The following EIF3B variants were observed in gnomAD, a reference collection of about 807,000 sequenced individuals.
The protein encoded by EIF3B is eukaryotic translation initiation factor 3 subunit B, also known as eukaryotic translation initiation factor 3 subunit 9.
A neutral mutation model predicts 104.6 loss-of-function variants in EIF3B; 10 were observed. The ratio of observed to expected loss-of-function variants is 0.10; its 90% CI spans 0.06 to 0.16. The LOEUF (loss-of-function observed/expected upper bound fraction) is 0.16. Ranked by LOEUF, EIF3B falls within the 10% of genes least tolerant of loss-of-function variation. The probability of loss-of-function intolerance (pLI) is 1.00; values close to 1 mark genes in which losing one functional copy is unlikely to be tolerated. For synonymous variants in EIF3B, 542 were observed against 417.2 expected (o/e 1.30, Z -3.65); for missense variants, 1,014 against 1,087.9 (o/e 0.93, Z 0.96).
At chr7:2,364,277 G>C (rs1186068481) in intron 5 of EIF3B, 95 bp from the exon 6 acceptor site, 2 of 1,205,730 alleles carry the variant, frequency 1.7e-6, no homozygotes, top group East Asian at 5.2e-5. Context: ...AAAAAAGTTT[G>C]TAGAACAGAT....
chr7:2,354,926 A>G lies in EIF3B; in HGVS notation c.5A>G (p.Gln2Arg), dbSNP rs1480264668. The G allele has an allele frequency of 8.1e-7, 1 of 1,230,404 alleles. No individual in the cohort carries two copies. Among genetic ancestry groups the G allele is most frequent in the Middle Eastern group, 3.3e-4 (1 of 3,024 alleles). 76.2% of individuals were successfully genotyped at this position (1,230,404 alleles called of 1,614,324 possible). Residue 2 changes from glutamine to arginine, a missense_variant, in exon 1 of 19, where the codon CAG becomes CGG. By Grantham distance (43) the Gln-to-Arg change is conservative. Transcript: ENST00000360876. The stretch of plus-strand genomic sequence containing the variant: ...CGAGTAGGCAGCGTTGGGCCCATGC[A>G]GGACGCGGAGAACGTGGCGGTGCCC... M[Q>R]DAENVAVPEA...
At chr7:2,378,616 G>T in intron 15 of EIF3B, 73 bp from the exon 16 acceptor site, 1 of 1,368,788 alleles carries the variant, frequency 7.3e-7, no homozygotes, top group Non-Finnish European at 1.0e-6. Flanking sequence ...ATGTCATGTT[G>T]GCAACTCTGA....
intron 10 of EIF3B, 139 bp from the exon 11 acceptor site, chr7:2,371,638 G>A: frequency 1.4e-6 from 1 of 693,582 alleles, no homozygotes; most frequent in Non-Finnish European, 2.6e-6. Context: ...GAGGGCTGTG[G>A]CTTTCATCAC....
Position 2,355,134 on chromosome 7 carries a change from G to A in EIF3B, c.213G>A (p.Ala71=), listed in dbSNP as rs1204115750. 4 of 1,407,544 alleles carry A rather than the reference G, an allele frequency of 2.8e-6. No individual in the cohort carries two copies. Among genetic ancestry groups the A allele is most frequent in the East Asian group, 3.0e-5 (1 of 33,026 alleles). 87.2% of individuals were successfully genotyped at this position (1,407,544 alleles called of 1,614,324 possible). Residue 71 remains alanine (A), a synonymous_variant, in exon 1 of 19, where the codon GCG becomes GCA. Coordinates refer to ENST00000360876, the MANE Select transcript of EIF3B (RefSeq NM_001037283.2). ...GPESEVRTEP[A]AEAEAASGPS... ...AGTCCGAGGTGAGGACCGAGCCGGC[G>A]GCCGAGGCAGAGGCGGCCTCCGGCC...
At chr7:2,378,988 G>A in intron 16 of EIF3B, 146 bp from the exon 17 acceptor site, 1 of 785,424 alleles carries the variant, frequency 1.3e-6, no homozygotes, top group Non-Finnish European at 2.1e-6. Context: ...AGCGTTGGGG[G>A]AAAAGTGAGA....
At chr7:2,358,405 T>G (rs1779566720) in intron 1 of EIF3B, among the ~76,000 whole-genome samples, 1 of 151,768 alleles carries the variant, frequency 6.6e-6, no homozygotes. Context: ...TTTCCGAAAG[T>G]GTTTTTTTGA....
At chr7:2,364,261 A>C (rs537741976) in intron 5 of EIF3B, 111 bp from the exon 6 acceptor site, 2 of 925,614 alleles carry the variant, frequency 2.2e-6, no homozygotes, top group Admixed American at 3.0e-5. Context: ...CTCCGTCTCA[A>C]AAAAAAAAAA....
At chr7:2,367,423 G>T (rs1780084783) in intron 9 of EIF3B, among the ~76,000 whole-genome samples, 1 of 152,004 alleles carries the variant, frequency 6.6e-6, no homozygotes, top group African/African-American at 2.4e-5. Flanking sequence ...CACAGACGTG[G>T]TCCATTGCAG....
chr7:2,359,119 G>A (rs181428089), intron 1 of EIF3B, among the ~76,000 whole-genome samples: 6 of 152,176 alleles, frequency 3.9e-5, no homozygotes, highest in Admixed American at 6.5e-5. Context: ...TTTAAGTGCC[G>A]GTCTCTGCCC....
chr7:2,374,852 T>TG, intron 13 of EIF3B: 2 of 407,782 alleles, frequency 4.9e-6, no homozygotes, highest in Admixed American at 7.9e-5. Context: ...CAGGCAGACC[T>TG]GTCTGCGGGT....
At chr7:2,358,952 C>T (rs1196756465) in intron 1 of EIF3B, among the ~76,000 whole-genome samples, 1 of 152,172 alleles carries the variant, frequency 6.6e-6, no homozygotes, top group Non-Finnish European at 1.5e-5. Flanking sequence ...GGGGTGGCAG[C>T]TCCCACCTGT....
intron 3 of EIF3B, 114 bp downstream of exon 3, chr7:2,362,878 C>T (rs1211017304): frequency 6.6e-7 from 1 of 1,520,462 alleles, no homozygotes; most frequent in Non-Finnish European, 9.0e-7. Context: ...CACATCCTTT[C>T]TGGTCAGGCT....
chr7:2,366,734 T>C, intron 8 of EIF3B, 143 bp downstream of exon 8: 1 of 981,310 alleles, frequency 1.0e-6, no homozygotes, highest in Non-Finnish European at 1.5e-6. Context: ...CCTTTTTAAC[T>C]GCCCCTGCTC....
chr7:2,354,544 C>T (rs533129348), upstream of EIF3B, among the ~76,000 whole-genome samples: 402 of 152,320 alleles, frequency 2.6e-3, 4 homozygotes, highest in African/African-American at 9.1e-3. Context: ...AGTTCAGTCC[C>T]GCCCCGCAGC....
At chr7:2,371,902 C>G in intron 11 of EIF3B, 53 bp downstream of exon 11, 1 of 1,448,456 alleles carries the variant, frequency 6.9e-7, no homozygotes, top group Non-Finnish European at 9.7e-7. Flanking sequence ...TGCTGTTTTA[C>G]TCTTGGCTTT....
rs372041143 is a variant in EIF3B, at chr7:2,375,353, C to T, written c.1890-36C>T. On this transcript the variant is annotated intron_variant, in intron 13 of 18. Transcript: ENST00000360876. Reference sequence around the variant, plus strand: ...GAGTGGGATGCCAGGAGGTATGCGTCTCCATGAAGCCTGACGGTCCTGTCT... The same window carrying T: ...GAGTGGGATGCCAGGAGGTATGCGTTTCCATGAAGCCTGACGGTCCTGTCT... 1.2e-5 allele frequency: 20 copies of T among 1,610,388 alleles called. No individual in the cohort carries two copies. The Admixed American group carries it at 1.3e-4, about 11-fold the overall frequency.
At chr7:2,369,389 A>G (rs1420164713) in intron 9 of EIF3B, 83 bp from the exon 10 acceptor site, 3 of 1,425,686 alleles carry the variant, frequency 2.1e-6, no homozygotes, top group African/African-American at 1.4e-5. Context: ...CTATATAGCA[A>G]ATGAGTTGTT....
intron 2 of EIF3B, among the ~76,000 whole-genome samples, chr7:2,361,196 G>A (rs1213659978): frequency 1.3e-5 from 2 of 152,216 alleles, no homozygotes; most frequent in Non-Finnish European, 2.9e-5. Context: ...GTTGGAGGCT[G>A]CAGTGAGCTA....
intron 8 of EIF3B, 51 bp downstream of exon 8, chr7:2,366,642 C>G (rs367860910): frequency 6.3e-7 from 1 of 1,599,086 alleles, no homozygotes; most frequent in East Asian, 2.2e-5. Flanking sequence ...TGCTTGTAAC[C>G]GGGGTGTGGT....
Sources: gnomAD v4.1 joint callset for allele counts (sites outside exome capture counted in the v4.1 genomes callset) on GRCh38, gnomAD v4.1.1 for gene constraint, MANE v1.5 for transcripts, NCBI Gene and HGNC (gene_info 2026-07-23, HGNC 2026-07-21) for gene names.